NUBPL: variants seen among roughly 807,000 people sequenced by gnomAD.
The protein encoded by NUBPL is iron-sulfur cluster transfer protein NUBPL.
Under a neutral mutation model 45.7 loss-of-function variants are expected in NUBPL, and 31 were observed. The ratio of observed to expected loss-of-function variants is 0.68; its 90% CI spans 0.51 to 0.92. NUBPL has a LOEUF of 0.92. Ranked by LOEUF, NUBPL falls within the 40% of genes least tolerant of loss-of-function variation. NUBPL has a pLI of 0.00. For synonymous variants in NUBPL, 144 were observed against 140.9 expected (o/e 1.02, Z -0.15); for missense variants, 401 against 398.7 (o/e 1.01, Z -0.05).
intron 8 of NUBPL, among the ~76,000 whole-genome samples, chr14:31,831,191 C>T (rs544802692): frequency 6.6e-6 from 1 of 151,682 alleles, no homozygotes. Context: ...TTGCAGTCAC[C>T]CACCACCACG....
intron 4 of NUBPL, among the ~76,000 whole-genome samples, chr14:31,599,961 G>A (rs1025361007): frequency 7.1e-6 from 1 of 140,040 alleles, no homozygotes; most frequent in African/African-American, 2.6e-5. Context: ...CCACCCTGCT[G>A]CCCAGGCTGG....
chr14:31,806,633 A>T (rs1330870830), intron 7 of NUBPL, among the ~76,000 whole-genome samples: 3 of 151,934 alleles, frequency 2.0e-5, no homozygotes, highest in Non-Finnish European at 4.4e-5. Context: ...GATTTTTCTT[A>T]TTATACTTTA....
chr14:31,834,648 T>G (rs1192097345), intron 8 of NUBPL, among the ~76,000 whole-genome samples: 1 of 152,194 alleles, frequency 6.6e-6, no homozygotes, highest in Non-Finnish European at 1.5e-5. Context: ...TTCCCCAGGC[T>G]CTCTCAGAAG....
intron 4 of NUBPL, among the ~76,000 whole-genome samples, chr14:31,634,867 T>G (rs1301248964): frequency 1.3e-5 from 2 of 149,958 alleles, no homozygotes; most frequent in Admixed American, 6.6e-5. Flanking sequence ...TCATGTGTCT[T>G]TTGGCTGCAT....
At chr14:31,736,853 T>C (rs2139990360) in intron 6 of NUBPL, among the ~76,000 whole-genome samples, 1 of 152,336 alleles carries the variant, frequency 6.6e-6, no homozygotes, top group East Asian at 1.9e-4. Flanking sequence ...TACATCCTTA[T>C]TAACACTTGG....
At chr14:31,625,607 C>T (rs1053227505) in intron 4 of NUBPL, among the ~76,000 whole-genome samples, 4 of 151,730 alleles carry the variant, frequency 2.6e-5, no homozygotes, top group Admixed American at 2.0e-4. Flanking sequence ...TCCTGAGTAG[C>T]TGGGACTACA....
chr14:31,645,096 C>G (rs545571121), intron 4 of NUBPL, among the ~76,000 whole-genome samples: 3 of 144,150 alleles, frequency 2.1e-5, no homozygotes, highest in East Asian at 4.2e-4. Flanking sequence ...GATGGAGTCT[C>G]GCTTTGTCGC....
intron 4 of NUBPL, among the ~76,000 whole-genome samples, chr14:31,652,343 G>A (rs376099572): frequency 2.0e-5 from 3 of 152,140 alleles, no homozygotes; most frequent in African/African-American, 4.8e-5. Context: ...TTTCAGTTAG[G>A]TAGGAGAAAT....
Position 31,846,553 on chromosome 14 carries a change from C to G in NUBPL, c.776C>G (p.Ala259Gly). Residue 259 changes from alanine (A) to glycine (G), a missense_variant, in exon 9 of 11, where the codon GCA becomes GGA. Physicochemically the swap from Ala to Gly is moderately conservative, Grantham distance 60. Transcript: ENST00000281081. The stretch of plus-strand genomic sequence containing the variant: ...ACTCATATTTTTGGTGCTGATGGTG[C>G]AAGGAAACTAGCACAGACCCTTGGT... ...HKTHIFGADGARKLAQTLGLE... is the reference protein window; with the variant it reads ...HKTHIFGADGGRKLAQTLGLE... The G allele has an allele frequency of 6.2e-7, 1 of 1,613,500 alleles. No individual in the cohort carries two copies. Among genetic ancestry groups the G allele is most frequent in the Non-Finnish European group, 8.5e-7 (1 of 1,179,714 alleles).
chr14:31,634,550 C>T (rs1422772561), intron 4 of NUBPL, among the ~76,000 whole-genome samples: 7 of 152,140 alleles, frequency 4.6e-5, no homozygotes, highest in Middle Eastern at 3.4e-3. Context: ...TATAAACATA[C>T]GTGTTCATGT....
At chr14:31,816,577 G>A (rs543975231) in intron 7 of NUBPL, among the ~76,000 whole-genome samples, 1 of 151,986 alleles carries the variant, frequency 6.6e-6, no homozygotes, top group South Asian at 2.1e-4. Flanking sequence ...GCTAGCTTTT[G>A]AATTTGTTTC....
intron 6 of NUBPL, among the ~76,000 whole-genome samples, chr14:31,731,198 A>G (rs910940698): frequency 3.3e-5 from 5 of 152,358 alleles, no homozygotes; most frequent in Admixed American, 2.6e-4. Context: ...ATGAGATTAG[A>G]TATAGGTGTA....
At chr14:31,799,818 C>G (rs1167178253) in intron 7 of NUBPL, among the ~76,000 whole-genome samples, 1 of 152,178 alleles carries the variant, frequency 6.6e-6, no homozygotes, top group Non-Finnish European at 1.5e-5. Flanking sequence ...GCGACATTTT[C>G]TTAAAATAAG....
intron 4 of NUBPL, among the ~76,000 whole-genome samples, chr14:31,623,939 G>T (rs11621036): frequency 0.3 from 45,622 of 151,828 alleles, 7,532 homozygotes; most frequent in South Asian, 0.41. Flanking sequence ...TGAAGTGTGT[G>T]ATTCAGACAC....
At chr14:31,592,698 A>G (rs1372053306) in intron 3 of NUBPL, among the ~76,000 whole-genome samples, 1 of 152,166 alleles carries the variant, frequency 6.6e-6, no homozygotes, top group Admixed American at 6.5e-5. Flanking sequence ...GCTGGTCCCA[A>G]GGCTTAGTAG....
chr14:31,850,315 A>G, intron 10 of NUBPL, 114 bp downstream of exon 10: 1 of 808,378 alleles, frequency 1.2e-6, no homozygotes, highest in Non-Finnish European at 2.1e-6. Context: ...TATTTAAACA[A>G]GGATTATTTA....
In NUBPL at chr14:31,673,477, G is replaced by A. The variant is rs764643986; in HGVS notation, c.423-7G>A. On this transcript the variant is annotated splice_region_variant and splice_polypyrimidine_tract_variant and intron_variant, in intron 5 of 10. Transcript: ENST00000281081. ...AAATTAGTTGTATTTTTATGTTACT[G>A]TTGCAGTATGTCTATGGGCTTTCTG... is the stretch of plus-strand genomic sequence containing the variant. The A allele has an allele frequency of 1.9e-6, 3 of 1,612,896 alleles. No individual in the cohort carries two copies. Among genetic ancestry groups the A allele is most frequent in the Non-Finnish European group, 2.5e-6 (3 of 1,179,130 alleles).
At chr14:31,846,290 T>C in intron 8 of NUBPL, 181 bp from the exon 9 acceptor site, 1 of 599,330 alleles carries the variant, frequency 1.7e-6, no homozygotes, top group East Asian at 2.9e-5. Flanking sequence ...GGTAATTCTA[T>C]ATGTCTTGCT....
At chr14:31,783,375 C>G (rs1270848392) in intron 6 of NUBPL, among the ~76,000 whole-genome samples, 1 of 151,978 alleles carries the variant, frequency 6.6e-6, no homozygotes, top group African/African-American at 2.4e-5. Context: ...ATCAGCAAGC[C>G]TTTATAGAAA....
Sources: gnomAD v4.1 joint callset for allele counts (sites outside exome capture counted in the v4.1 genomes callset) on GRCh38, gnomAD v4.1.1 for gene constraint, MANE v1.5 for transcripts, NCBI Gene and HGNC (gene_info 2026-07-23, HGNC 2026-07-21) for gene names.